Variants in EIF2D observed in about 807,000 individuals in gnomAD.
EIF2D encodes eukaryotic translation initiation factor 2D.
EIF2D carries 56 observed loss-of-function variants against 77.4 expected under a neutral mutation model. That is an observed-to-expected ratio of 0.72 (90% confidence interval 0.58 to 0.90). The LOEUF (loss-of-function observed/expected upper bound fraction) is 0.90, where lower values mean the gene tolerates loss of function less well. Among genes scored for constraint, EIF2D ranks in the 40% least tolerant of loss-of-function variants. EIF2D has a pLI of 0.00. For synonymous variants in EIF2D, 230 were observed against 271.0 expected (o/e 0.85, Z 1.49); for missense variants, 574 against 706.5 (o/e 0.81, Z 2.13).
rs782629753 is a variant in EIF2D at position 206,611,295 on chromosome 1, C to T, written c.136G>A (p.Glu46Lys). Residue 46 changes from glutamate to lysine, a missense_variant, in exon 2 of 15, where the codon GAG (glutamate) becomes AAG (lysine). Physicochemically the swap from Glu to Lys is moderately conservative, Grantham distance 56 (BLOSUM62 1). Coordinates refer to ENST00000271764, the MANE Select transcript of EIF2D (RefSeq NM_006893.3). ...DQVSELVPGK[E>K]ELNIVKLYAH... ...TACAACTTCACAATGTTGAGCTCCT[C>T]CTTTCCAGGTACTAACTCAGAGACT... The T allele has an allele frequency of 6.2e-7, 1 of 1,614,246 alleles. No individual in the cohort carries two copies.
At chr1:206,578,040 T>C (rs1668719233) in intron 4 of EIF2D, among the ~76,000 whole-genome samples, 1 of 151,302 alleles carries the variant, frequency 6.6e-6, no homozygotes, top group Non-Finnish European at 1.5e-5. Flanking sequence ...CTGGGCAACA[T>C]AGCAAGGCAC....
chr1:206,570,465 G>A (rs781335249), downstream of EIF2D, among the ~76,000 whole-genome samples: 8 of 151,946 alleles, frequency 5.3e-5, no homozygotes, highest in Non-Finnish European at 1.2e-4. Flanking sequence ...CAACCATCAC[G>A]ACCATCCATT....
intron 3 of EIF2D, among the ~76,000 whole-genome samples, chr1:206,608,881 G>A (rs1213260046): frequency 6.6e-6 from 1 of 151,996 alleles, no homozygotes; most frequent in Non-Finnish European, 1.5e-5. Flanking sequence ...ATGAAACCCT[G>A]TCTCTACTAA....
At chr1:206,583,762 A>G (rs950825790) in intron 2 of EIF2D, 7 of 230,766 alleles carry the variant, frequency 3.0e-5, no homozygotes, top group Admixed American at 5.2e-5. Flanking sequence ...AGAGAGGGAC[A>G]TACTCTCTCA....
At chr1:206,585,771 G>A (rs1271520412) in intron 2 of EIF2D, 1 of 153,754 alleles carries the variant, frequency 6.5e-6, no homozygotes, top group Non-Finnish European at 1.4e-5. Context: ...AACCAGGCCG[G>A]TGCCACCCAT....
intron 2 of EIF2D, chr1:206,586,617 C>T: frequency 1.8e-6 from 1 of 548,364 alleles, no homozygotes; most frequent in Non-Finnish European, 3.3e-6. Context: ...AACTCTTGGT[C>T]ATGAGATGCC....
At chr1:206,587,946 CA>C (rs1553408026), downstream of EIF2D, 1 of 153,022 alleles carries the variant, frequency 6.5e-6, no homozygotes, top group African/African-American at 2.4e-5. Flanking sequence ...CGGCCTCCAG[CA>C]CTGCCTCCCT....
intron 12 of EIF2D, among the ~76,000 whole-genome samples, chr1:206,596,447 T>C (rs1323214278): frequency 6.6e-6 from 1 of 152,206 alleles, no homozygotes; most frequent in Non-Finnish European, 1.5e-5. Flanking sequence ...TAAATGGATA[T>C]GGTTGTGTTC....
intron 6 of EIF2D, 171 bp downstream of exon 6, chr1:206,602,780 G>C: frequency 2.0e-6 from 2 of 978,206 alleles, no homozygotes; most frequent in Admixed American, 2.9e-5. Context: ...ATGTGGAAAG[G>C]ATTCAAAAAC....
chr1:206,591,182 T>C (rs1358987617), downstream of EIF2D, among the ~76,000 whole-genome samples: 2 of 152,172 alleles, frequency 1.3e-5, no homozygotes, highest in African/African-American at 4.8e-5. Flanking sequence ...CATCACAAAT[T>C]TACCAGTTAG....
At chr1:206,595,896 A>G in intron 12 of EIF2D, 58 bp from the exon 13 acceptor site, 3 of 1,593,618 alleles carry the variant, frequency 1.9e-6, no homozygotes, top group Non-Finnish European at 2.6e-6. Flanking sequence ...ATTTCCTCAT[A>G]CCCCACTACC....
At chr1:206,587,106 T>C, downstream of EIF2D, 1 of 1,229,422 alleles carries the variant, frequency 8.1e-7, no homozygotes, top group Non-Finnish European at 1.2e-6. Flanking sequence ...CAGTTCCAGC[T>C]GTGGCAAAAG....
intron 4 of EIF2D, among the ~76,000 whole-genome samples, chr1:206,575,215 G>A (rs571403246): frequency 1.3e-5 from 2 of 152,224 alleles, no homozygotes; most frequent in African/African-American, 2.4e-5. Context: ...CAGAAGCACC[G>A]GGTGTTTGGG....
intron 7 of EIF2D, chr1:206,601,126 C>A (rs1572400256): frequency 6.6e-6 from 1 of 152,284 alleles, no homozygotes; most frequent in East Asian, 1.9e-4. Context: ...TATTTGCAAC[C>A]CAAGAAAGTC....
chr1:206,592,696 A>T lies in EIF2D; in HGVS notation c.1685-851T>A, dbSNP rs1316512432. The stretch of plus-strand genomic sequence containing the variant: ...GAAGAGGCATACAAAGTTTTTTAGA[A>T]GGGAGTGATGTGATCATATTTGTTT... On this transcript the variant is annotated intron_variant, in intron 14 of 14. Transcript: ENST00000271764. The surrounding 1 kb of genome is among the most constrained non-coding windows in gnomAD (Gnocchi z 4.7). Among the ~76,000 whole-genome samples the T allele has an allele frequency of 6.6e-6, 1 of 152,190 alleles. No homozygotes were observed. The highest frequency in any genetic ancestry group is 1.5e-5 in the Non-Finnish European group (1 of 68,032).
rs1379231245 is a variant in EIF2D at position 206,591,829 on chromosome 1, AG to A, written c.1700del (p.Pro567LeufsTer8). ...GWLLLEEYQL[P>X]RKHIQGLEKA... ...TTTCTAGACCTTGGATGTGTTTTCG[AG>A]GGAGCTGATACTCTTCTACAATCCA... On this transcript the variant is annotated frameshift_variant, in exon 15 of 15. Transcript: ENST00000271764. LOFTEE classifies it high-confidence loss of function. The A allele has an allele frequency of 2.5e-6, 4 of 1,613,966 alleles. No individual in the cohort carries two copies. The highest frequency in any genetic ancestry group is 2.7e-5 in the African/African-American group (2 of 74,892).
At chr1:206,611,777 T>A (rs150270242) in intron 1 of EIF2D, among the ~76,000 whole-genome samples, 4 of 152,242 alleles carry the variant, frequency 2.6e-5, no homozygotes, top group Non-Finnish European at 5.9e-5. Context: ...AAAGCACTGG[T>A]TACAAAATTC....
rs1669839856 is a variant in EIF2D, at chr1:206,599,952, T to G, written c.949-116A>C. 1.0e-6 allele frequency: 1 copy of G among 1,004,400 alleles called. No individual in the cohort carries two copies. Among genetic ancestry groups the G allele is most frequent in the Non-Finnish European group, 1.5e-6 (1 of 683,174 alleles). 62.2% of individuals were successfully genotyped at this position (1,004,400 alleles called of 1,614,324 possible). A position where few individuals can be genotyped will look rare whatever the true frequency, so the allele number is the denominator to read the frequency against. ...CTGTGCAGGGATATGAGACAGCCCC[T>G]GCCTTCATCAACCAGGAACTGGGAG... On this transcript the variant is annotated intron_variant, in intron 8 of 14. Transcript: ENST00000271764. This position sits in a 1 kb window ranked among gnomAD's most constrained non-coding sequence, Gnocchi z 4.1.
In EIF2D at chr1:206,599,354, CA is replaced by C. The variant is rs1214618013; in HGVS notation, c.1202+108del. On this transcript the variant is annotated intron_variant, in intron 10 of 14. Coordinates refer to ENST00000271764, the MANE Select transcript of EIF2D (RefSeq NM_006893.3). This position sits in a 1 kb window ranked among gnomAD's most constrained non-coding sequence, Gnocchi z 4.1. Reference sequence around the variant, plus strand: ...AGCTGGATTTTGGAGAAGGGGAGAACAGGGGCAGAGCAGGTTTTGCCAGTCG... The same window carrying C: ...AGCTGGATTTTGGAGAAGGGGAGAACGGGGCAGAGCAGGTTTTGCCAGTCG... 4.9e-6 allele frequency: 7 copies of C among 1,415,236 alleles called. No individual in the cohort carries two copies. The highest frequency in any genetic ancestry group is 2.9e-5 in the African/African-American group (2 of 70,016). 87.7% of individuals were successfully genotyped at this position (1,415,236 alleles called of 1,614,324 possible).
Sources: allele counts gnomAD v4.1 joint callset (sites outside exome capture counted in the v4.1 genomes callset), GRCh38; gene constraint gnomAD v4.1.1; non-coding constraint Gnocchi (gnomAD v3.1); transcripts MANE v1.5; gene names NCBI Gene and HGNC (gene_info 2026-07-23, HGNC 2026-07-21).